The following PRKCA variants were observed in gnomAD, a reference collection of about 807,000 sequenced individuals.
PRKCA encodes protein kinase C alpha type.
PRKCA carries 27 observed loss-of-function variants against 87.0 expected under a neutral mutation model. That is an observed-to-expected ratio of 0.31 (90% CI 0.23 to 0.43). The LOEUF is 0.43. Among genes scored for constraint, PRKCA ranks in the 20% least tolerant of loss-of-function variants. The pLI, the probability that PRKCA is intolerant of heterozygous loss-of-function variation, is 1.00. For synonymous variants in PRKCA, 329 were observed against 311.1 expected (o/e 1.06, Z -0.61); for missense variants, 518 against 852.3 (o/e 0.61, Z 4.88).
chr17:66,535,464 C>T (rs1967744702), intron 3 of PRKCA, among the ~76,000 whole-genome samples: 1 of 152,176 alleles, frequency 6.6e-6, no homozygotes, highest in African/African-American at 2.4e-5. Flanking sequence ...TTAACCTGCT[C>T]CATCTTGGAC....
intron 4 of PRKCA, among the ~76,000 whole-genome samples, chr17:66,644,493 A>T (rs1598840556): frequency 1.3e-5 from 2 of 152,174 alleles, no homozygotes; most frequent in South Asian, 4.1e-4. Flanking sequence ...GGCACACAGG[A>T]TTCTTTTCAG....
intron 2 of PRKCA, among the ~76,000 whole-genome samples, chr17:66,313,358 A>G (rs1905165334): frequency 6.6e-6 from 1 of 152,234 alleles, no homozygotes; most frequent in Non-Finnish European, 1.5e-5. Flanking sequence ...GTACTTTTAA[A>G]GCTAAGCATA....
At position 66,355,344 on chromosome 17, in the gene PRKCA, G is replaced by C. The variant is rs200626575; in HGVS notation, c.205+49217G>C. Reference sequence around the variant, plus strand: ...GTGAGGCTCCTTCCTCTCCTTGCCTGGAGACTTAACCTGTACATTTCTAGG... The same window carrying C: ...GTGAGGCTCCTTCCTCTCCTTGCCTCGAGACTTAACCTGTACATTTCTAGG... On this transcript the variant is annotated intron_variant, in intron 2 of 16. Transcript: ENST00000413366. 9.2e-5 allele frequency among the ~76,000 whole-genome samples: 14 copies of C among 152,234 alleles called. No homozygotes were observed. In the East Asian group the frequency reaches 2.5e-3, roughly 27 times the overall value.
intron 2 of PRKCA, chr17:66,415,880 C>T (rs531373560): frequency 2.6e-5 from 4 of 152,270 alleles, no homozygotes; most frequent in South Asian, 4.2e-4. Flanking sequence ...AAGCACTCAT[C>T]AGCTGTTGTT....
At chr17:66,712,887 G>C (rs1031541124) in intron 8 of PRKCA, among the ~76,000 whole-genome samples, 3 of 152,124 alleles carry the variant, frequency 2.0e-5, no homozygotes, top group African/African-American at 7.2e-5. Context: ...GCCTAGAACA[G>C]TGCCTGGCTA....
chr17:66,675,846 C>CG (rs1055912214), intron 5 of PRKCA, among the ~76,000 whole-genome samples: 1 of 152,168 alleles, frequency 6.6e-6, no homozygotes, highest in African/African-American at 2.4e-5. Context: ...GGTTCCTCCG[C>CG]GGGGTCCCAC....
chr17:66,694,459 C>A (rs944156746), intron 8 of PRKCA, among the ~76,000 whole-genome samples: 1 of 115,166 alleles, frequency 8.7e-6, no homozygotes, highest in Non-Finnish European at 1.6e-5. Context: ...CCAGCTTGGG[C>A]GACAGAGCGA....
chr17:66,615,104 G>A (rs975497822), intron 3 of PRKCA, among the ~76,000 whole-genome samples: 1 of 152,068 alleles, frequency 6.6e-6, no homozygotes, highest in African/African-American at 2.4e-5. Flanking sequence ...CAGCCCTCGC[G>A]TTTGTGATGC....
intron 3 of PRKCA, among the ~76,000 whole-genome samples, chr17:66,514,391 A>G (rs1966893772): frequency 1.3e-5 from 2 of 152,270 alleles, no homozygotes; most frequent in South Asian, 2.1e-4. Flanking sequence ...CCTTCGCCCA[A>G]CAGTGTGATG....
chr17:66,744,481 C>G (rs1974229709), intron 13 of PRKCA, among the ~76,000 whole-genome samples: 1 of 152,114 alleles, frequency 6.6e-6, no homozygotes, highest in Non-Finnish European at 1.5e-5. Flanking sequence ...GGCATTGAAC[C>G]TCATCTCTAT....
intron 2 of PRKCA, among the ~76,000 whole-genome samples, chr17:66,375,518 T>C (rs527391256): frequency 6.6e-6 from 1 of 152,282 alleles, no homozygotes; most frequent in East Asian, 1.9e-4. Context: ...TGGTGACTCC[T>C]TGGTGAAGTC....
chr17:66,390,088 T>A (rs987127904), intron 2 of PRKCA, among the ~76,000 whole-genome samples: 2 of 152,294 alleles, frequency 1.3e-5, no homozygotes, highest in Admixed American at 6.5e-5. Context: ...CCAGGTGTGA[T>A]GGCGCATGCC....
intron 3 of PRKCA, among the ~76,000 whole-genome samples, chr17:66,509,607 C>T (rs150247549): frequency 3.9e-5 from 6 of 152,264 alleles, no homozygotes; most frequent in East Asian, 3.9e-4. Context: ...CTCAACCTCC[C>T]GATCTAAATG....
chr17:66,376,713 T>C (rs1320164386), intron 2 of PRKCA, among the ~76,000 whole-genome samples: 4 of 152,052 alleles, frequency 2.6e-5, no homozygotes, highest in East Asian at 1.9e-4. Flanking sequence ...CTAGACTTCA[T>C]GTACCAGTTC....
At chr17:66,761,423 T>C (rs1974681843) in intron 13 of PRKCA, among the ~76,000 whole-genome samples, 2 of 151,722 alleles carry the variant, frequency 1.3e-5, no homozygotes, top group Middle Eastern at 3.4e-3. Context: ...TTTAATCTTG[T>C]GGTAATTTTC....
chr17:66,711,478 C>T (rs1973326199), intron 8 of PRKCA, among the ~76,000 whole-genome samples: 1 of 152,148 alleles, frequency 6.6e-6, no homozygotes, highest in Non-Finnish European at 1.5e-5. Context: ...TATCCCCAAA[C>T]TATGGAGGGG....
intron 5 of PRKCA, among the ~76,000 whole-genome samples, chr17:66,660,730 AAT>A (rs533787939): frequency 2.0e-5 from 3 of 151,496 alleles, no homozygotes; most frequent in Non-Finnish European, 4.4e-5. Flanking sequence ...TCTACTAAAA[AAT>A]ATATATATAT....
Position 66,566,095 on chromosome 17 carries a change from A to G in PRKCA, c.288+69812A>G, listed in dbSNP as rs370361904. Among the ~76,000 whole-genome samples, 16 of 152,260 alleles carry G rather than the reference A, an allele frequency of 1.1e-4. 1 individual carries two copies. In the South Asian group the frequency reaches 3.1e-3, roughly 30 times the overall value. On this transcript the variant is annotated intron_variant, in intron 3 of 16. Transcript: ENST00000413366. Reference sequence around the variant, plus strand: ...AAGGGGTAGGACGGATAGGTGGGGTATCCAGAGTCCTTGGATACCTTGTCT... The same window carrying G: ...AAGGGGTAGGACGGATAGGTGGGGTGTCCAGAGTCCTTGGATACCTTGTCT...
intron 8 of PRKCA, among the ~76,000 whole-genome samples, chr17:66,718,963 CTG>C (rs1374948977): frequency 4.6e-5 from 7 of 152,154 alleles, no homozygotes; most frequent in African/African-American, 1.7e-4. Context: ...TGCCTTGACT[CTG>C]GGCTTCTTCC....
Sources: gnomAD v4.1 joint callset for allele counts (sites outside exome capture counted in the v4.1 genomes callset) on GRCh38, gnomAD v4.1.1 for gene constraint, MANE v1.5 for transcripts, NCBI Gene and HGNC (gene_info 2026-07-23, HGNC 2026-07-21) for gene names.